The following PRELID2 variants were observed in gnomAD, a reference collection of about 807,000 sequenced individuals.
PRELID2 encodes the protein PRELI domain containing 2, also known as PRELI domain-containing protein 2.
Under a neutral mutation model 28.4 loss-of-function variants are expected in PRELID2, and 25 were observed. The ratio of observed to expected loss-of-function variants is 0.88; its 90% confidence interval spans 0.64 to 1.23. The LOEUF (loss-of-function observed/expected upper bound fraction) is 1.23. Ranked by LOEUF, PRELID2 falls within the 50% of genes most tolerant of loss-of-function variation. The pLI, the probability that PRELID2 is intolerant of heterozygous loss-of-function variation, is 0.00. For synonymous variants in PRELID2, 76 were observed against 71.6 expected, an observed-to-expected ratio of 1.06 and a Z score of -0.31; for missense variants, 201 against 214.4, an observed-to-expected ratio of 0.94 and a Z score of 0.39.
intron 1 of PRELID2, among the ~76,000 whole-genome samples, chr5:145,721,401 G>A (rs1214303492): frequency 6.6e-6 from 1 of 152,114 alleles, no homozygotes; most frequent in Non-Finnish European, 1.5e-5. Flanking sequence ...GAGAATAAAG[G>A]CTAACCAGCA....
chr5:145,563,978 T>A (rs1752944667), intron 1 of PRELID2, among the ~76,000 whole-genome samples: 1 of 152,218 alleles, frequency 6.6e-6, no homozygotes, highest in Admixed American at 6.5e-5. Flanking sequence ...ATTCACCGAC[T>A]GTCAAAGTCT....
chr5:145,514,864 G>T (rs1006383384), intron 1 of PRELID2, among the ~76,000 whole-genome samples: 1 of 152,084 alleles, frequency 6.6e-6, no homozygotes, highest in African/African-American at 2.4e-5. Context: ...ACTCAAAACC[G>T]CACAACTACA....
At chr5:145,376,128 C>G in the PRELID2 span, among the ~76,000 whole-genome samples, 1 of 152,088 alleles carries the variant, frequency 6.6e-6, no homozygotes, top group Non-Finnish European at 1.5e-5. Flanking sequence ...TTATCAGAAG[C>G]CTTTTCTGCA....
the PRELID2 span, among the ~76,000 whole-genome samples, chr5:145,273,977 T>C: frequency 6.6e-6 from 1 of 152,052 alleles, no homozygotes; most frequent in Non-Finnish European, 1.5e-5. Flanking sequence ...TGAAGCATAG[T>C]GAACGAGAGG....
the PRELID2 span, among the ~76,000 whole-genome samples, chr5:145,434,294 T>A: frequency 3.5e-4 from 54 of 152,292 alleles, no homozygotes; most frequent in East Asian, 0.01. Flanking sequence ...TGAGCAAACA[T>A]CCTCATTCAT....
At chr5:145,514,764 CA>C (rs932838240) in intron 1 of PRELID2, among the ~76,000 whole-genome samples, 1 of 151,374 alleles carries the variant, frequency 6.6e-6, no homozygotes, top group African/African-American at 2.4e-5. Context: ...CACTCCTTAG[CA>C]AATGCAAAAA....
At chr5:145,292,624 C>A in the PRELID2 span, among the ~76,000 whole-genome samples, 1 of 152,078 alleles carries the variant, frequency 6.6e-6, no homozygotes, top group African/African-American at 2.4e-5. Context: ...GGGGCTGAAT[C>A]TGGGTCACAG....
At chr5:145,783,331 T>C (rs73306006) in intron 5 of PRELID2, among the ~76,000 whole-genome samples, 1 of 152,138 alleles carries the variant, frequency 6.6e-6, no homozygotes, top group African/African-American at 2.4e-5. Context: ...TTAAACTCAG[T>C]AGAAGGAACA....
intron 1 of PRELID2, among the ~76,000 whole-genome samples, chr5:145,707,493 A>G (rs1364843542): frequency 6.6e-6 from 1 of 152,168 alleles, no homozygotes; most frequent in Non-Finnish European, 1.5e-5. Flanking sequence ...CAGGAATGAG[A>G]CTTTTTAAAA....
chr5:145,547,204 C>CTA (rs1283368337), intron 1 of PRELID2, among the ~76,000 whole-genome samples: 1 of 152,064 alleles, frequency 6.6e-6, no homozygotes, highest in African/African-American at 2.4e-5. Context: ...ACTGGAGGAA[C>CTA]TATTCATTAT....
chr5:145,643,417 G>A (rs1754141491), intron 1 of PRELID2, among the ~76,000 whole-genome samples: 1 of 152,206 alleles, frequency 6.6e-6, no homozygotes, highest in Non-Finnish European at 1.5e-5. Flanking sequence ...TTTGGGCTGA[G>A]AAGATCGGGT....
intron 1 of PRELID2, among the ~76,000 whole-genome samples, chr5:145,518,478 G>GT (rs774029947): frequency 3.5e-4 from 53 of 152,146 alleles, no homozygotes; most frequent in Non-Finnish European, 6.5e-4. Context: ...GATTACAGGC[G>GT]TGAACCACCA....
chr5:145,687,037 A>G (rs1755051085), intron 1 of PRELID2, among the ~76,000 whole-genome samples: 2 of 152,172 alleles, frequency 1.3e-5, no homozygotes, highest in South Asian at 4.1e-4. Flanking sequence ...AAGTATGAAA[A>G]TAATTACAGG....
chr5:145,420,051 C>A, the PRELID2 span, among the ~76,000 whole-genome samples: 4 of 151,640 alleles, frequency 2.6e-5, no homozygotes, highest in Non-Finnish European at 5.9e-5. Flanking sequence ...AGATATGCGG[C>A]ATTATTTCTG....
the PRELID2 span, among the ~76,000 whole-genome samples, chr5:145,345,828 G>T: frequency 1.4e-5 from 2 of 142,526 alleles, no homozygotes; most frequent in East Asian, 2.4e-4. Flanking sequence ...CCGCACCCCC[G>T]CCCCACCCCA....
chr5:145,252,445 A>T, the PRELID2 span, among the ~76,000 whole-genome samples: 16 of 152,102 alleles, frequency 1.1e-4, no homozygotes, highest in Admixed American at 1.0e-3. Context: ...CTGTGGTTTG[A>T]TTTTCTCATT....
chr5:145,790,731 A>G (rs1310171816), intron 5 of PRELID2, among the ~76,000 whole-genome samples: 137 of 70,646 alleles, frequency 1.9e-3, no homozygotes, highest in African/African-American at 4.5e-3. Flanking sequence ...GTATATATAT[A>G]TATATATATA....
At chr5:145,658,034 A>C (rs1287824924) in intron 1 of PRELID2, among the ~76,000 whole-genome samples, 1 of 152,222 alleles carries the variant, frequency 6.6e-6, no homozygotes, top group African/African-American at 2.4e-5. Flanking sequence ...AGTGTGCTAC[A>C]GACAATTCAG....
chr5:145,444,094 C>T, the PRELID2 span, among the ~76,000 whole-genome samples: 4 of 152,008 alleles, frequency 2.6e-5, no homozygotes, highest in Admixed American at 2.6e-4. Context: ...CTTTTCATAT[C>T]CTATTTAGGA....
Sources: allele counts gnomAD v4.1 joint callset (sites outside exome capture counted in the v4.1 genomes callset), GRCh38; gene constraint gnomAD v4.1.1; transcripts MANE v1.5; gene names NCBI Gene and HGNC (gene_info 2026-07-23, HGNC 2026-07-21).